Variants in ACYP2 observed in about 807,000 individuals in gnomAD.
ACYP2 encodes the protein acylphosphatase-2.
A neutral mutation model predicts 11.2 loss-of-function variants in ACYP2; 12 were observed. The observed-to-expected ratio is 1.08, with a 90% CI of 0.69 to 1.74. The LOEUF (loss-of-function observed/expected upper bound fraction) is 1.74. ACYP2 is among the 40% of genes most tolerant of loss of function. ACYP2 has a pLI of 0.00. For missense variants in ACYP2, 134 were observed against 101.9 expected, an observed-to-expected ratio of 1.31 and a Z score of -1.35; for synonymous variants, 43 against 32.2, an observed-to-expected ratio of 1.33 and a Z score of -1.13.
At chr2:54,081,720 C>T (rs184414353) in intron 4 of ACYP2, among the ~76,000 whole-genome samples, 4 of 152,328 alleles carry the variant, frequency 2.6e-5, no homozygotes, top group Admixed American at 2.6e-4. Flanking sequence ...CATTAGGTAT[C>T]TGCTTTTGCT....
chr2:54,192,972 T>G (rs1684297884), intron 6 of ACYP2, among the ~76,000 whole-genome samples: 1 of 152,182 alleles, frequency 6.6e-6, no homozygotes, highest in South Asian at 2.1e-4. Flanking sequence ...TGGGGATTAT[T>G]ACAATTCAAG....
chr2:53,994,175 A>C (rs1267456694), intron 2 of ACYP2, among the ~76,000 whole-genome samples: 3 of 151,730 alleles, frequency 2.0e-5, no homozygotes, highest in Admixed American at 6.6e-5. Flanking sequence ...CTAAAAATAC[A>C]AAAAATTAGC....
At chr2:54,129,552 G>C (rs1012018920) in intron 4 of ACYP2, among the ~76,000 whole-genome samples, 1 of 151,078 alleles carries the variant, frequency 6.6e-6, no homozygotes, top group Non-Finnish European at 1.5e-5. Context: ...TGTCAATTTA[G>C]GCATTATTAG....
chr2:54,217,277 C>T (rs941915146), intron 6 of ACYP2, among the ~76,000 whole-genome samples: 2 of 152,148 alleles, frequency 1.3e-5, no homozygotes, highest in Non-Finnish European at 2.9e-5. Context: ...GGCCACTGAG[C>T]ACTTGAACTG....
chr2:54,265,297 AAG>A (rs939812800), intron 6 of ACYP2, among the ~76,000 whole-genome samples: 3 of 152,188 alleles, frequency 2.0e-5, no homozygotes, highest in Non-Finnish European at 4.4e-5. Context: ...GCAGCAGGCA[AAG>A]AGAGACAGCT....
intron 6 of ACYP2, among the ~76,000 whole-genome samples, chr2:54,217,895 T>C (rs893546637): frequency 6.6e-6 from 1 of 152,220 alleles, no homozygotes; most frequent in South Asian, 2.1e-4. Flanking sequence ...TAAGATTAAG[T>C]ATGGCTCCAC....
intron 6 of ACYP2, among the ~76,000 whole-genome samples, chr2:54,139,744 G>C (rs79523547): frequency 0.02 from 3,086 of 152,244 alleles, 43 homozygotes; most frequent in Middle Eastern, 0.068. Flanking sequence ...TGTAATAAGT[G>C]AAGTAACGTA....
intron 3 of ACYP2, among the ~76,000 whole-genome samples, chr2:54,053,058 G>C (rs72800719): frequency 0.1 from 15,302 of 152,266 alleles, 941 homozygotes; most frequent in Non-Finnish European, 0.14. Context: ...AAGAAAAAAG[G>C]TGTTTTCCTC....
chr2:54,115,560 C>G, intron 4 of ACYP2, 55 bp from the exon 1 acceptor site: 8 of 1,525,686 alleles, frequency 5.2e-6, no homozygotes, highest in Non-Finnish European at 7.0e-6. Flanking sequence ...ACGCGTGACC[C>G]CGGCGCGCTA....
chr2:54,198,329 T>G (rs1326587445), intron 6 of ACYP2, among the ~76,000 whole-genome samples: 1 of 152,060 alleles, frequency 6.6e-6, no homozygotes, highest in Non-Finnish European at 1.5e-5. Flanking sequence ...CTTATGATTT[T>G]AAAAAGAACA....
chr2:53,976,903 T>G (rs1376765698), intron 2 of ACYP2, among the ~76,000 whole-genome samples: 1 of 152,194 alleles, frequency 6.6e-6, no homozygotes, highest in Non-Finnish European at 1.5e-5. Flanking sequence ...TTTTGTTTAT[T>G]TTTGGGGGGA....
At chr2:54,018,533 C>G (rs1673819961) in intron 2 of ACYP2, among the ~76,000 whole-genome samples, 1 of 151,760 alleles carries the variant, frequency 6.6e-6, no homozygotes, top group Non-Finnish European at 1.5e-5. Flanking sequence ...GAGTGGGGAG[C>G]TAGGTGTGGT....
At chr2:54,244,006 G>T (rs6716768) in intron 6 of ACYP2, among the ~76,000 whole-genome samples, 3,379 of 151,848 alleles carry the variant, frequency 0.022, 137 homozygotes, top group African/African-American at 0.076. Context: ...AGTTAGTAGA[G>T]ATAGTTTCCT....
chr2:54,045,374 C>G (rs551093020), intron 2 of ACYP2, among the ~76,000 whole-genome samples: 1 of 152,336 alleles, frequency 6.6e-6, no homozygotes, highest in South Asian at 2.1e-4. Flanking sequence ...ACCCTCCTGT[C>G]TCAGTGTATT....
chr2:54,167,105 C>G (rs946659458), intron 6 of ACYP2: 1 of 151,924 alleles, frequency 6.6e-6, no homozygotes, highest in Non-Finnish European at 1.5e-5. Flanking sequence ...ATCTATCGAC[C>G]TGTGACCTTT....
chr2:54,169,698 G>A (rs1231111607), intron 6 of ACYP2, among the ~76,000 whole-genome samples: 4 of 151,544 alleles, frequency 2.6e-5, no homozygotes, highest in African/African-American at 9.7e-5. Context: ...TTTTTCCATC[G>A]AGAAAAATAT....
At chr2:54,233,966 G>A (rs1345506861) in intron 6 of ACYP2, among the ~76,000 whole-genome samples, 1 of 152,210 alleles carries the variant, frequency 6.6e-6, no homozygotes, top group Non-Finnish European at 1.5e-5. Flanking sequence ...ATTTAACCAT[G>A]TCAGTGCAGT....
At chr2:54,116,887 C>T (rs1679841136) in intron 4 of ACYP2, among the ~76,000 whole-genome samples, 1 of 152,100 alleles carries the variant, frequency 6.6e-6, no homozygotes, top group Admixed American at 6.6e-5. Context: ...CGTACGAGCT[C>T]AAGTGGCGGG....
chr2:54,285,649 G>T (rs984703290), intron 6 of ACYP2, among the ~76,000 whole-genome samples: 8 of 152,180 alleles, frequency 5.3e-5, no homozygotes. Flanking sequence ...TGGGCACACA[G>T]CCACTCAGAA....
Sources: gnomAD v4.1 joint callset for allele counts (sites outside exome capture counted in the v4.1 genomes callset) on GRCh38, gnomAD v4.1.1 for gene constraint, MANE v1.5 for transcripts, NCBI Gene and HGNC (gene_info 2026-07-23, HGNC 2026-07-21) for gene names.